LGI2: variants seen among roughly 807,000 people sequenced by gnomAD.
The protein encoded by LGI2 is leucine rich repeat LGI family member 2, also known as leucine-rich repeat LGI family member 2.
In LGI2, 30 loss-of-function variants were observed where a neutral mutation model predicts 52.0. That is an observed-to-expected ratio of 0.58 (90% CI 0.43 to 0.78). The LOEUF is 0.78. LGI2 is among the 30% of genes least tolerant of loss of function. LGI2 has a pLI of 0.00. For missense variants in LGI2, 573 were observed against 692.5 expected (o/e 0.83, Z 1.94); for synonymous variants, 270 against 271.8 (o/e 0.99, Z 0.06).
rs2324645 is a variant in LGI2, at chr4:25,030,623, A to G, written c.71T>C (p.Ile24Thr). Reference sequence around the variant, plus strand: ...CCGCCTCACCTGCGCGCTCCGCGGTATCAGGCACGCGGCGCCCAGCAGCAG... The same window carrying G: ...CCGCCTCACCTGCGCGCTCCGCGGTGTCAGGCACGCGGCGCCCAGCAGCAG... The part of the protein sequence containing the change: ...LLLLLGAACL[I>T]PRSAQVRRLA... Residue 24 changes from isoleucine to threonine, a missense_variant, in exon 1 of 8, where the codon ATA becomes ACA. Physicochemically the swap from Ile to Thr is moderately conservative, Grantham distance 89. Transcript: ENST00000382114. 1 of 1,555,134 alleles carries G rather than the reference A, an allele frequency of 6.4e-7. No individual in the cohort carries two copies. The highest frequency in any genetic ancestry group is 1.7e-4 in the Middle Eastern group (1 of 5,808).
intron 5 of LGI2, among the ~76,000 whole-genome samples, chr4:25,018,904 T>C (rs1487175555): frequency 2.0e-5 from 3 of 151,322 alleles, no homozygotes; most frequent in Non-Finnish European, 4.4e-5. Flanking sequence ...TGATAGAAGA[T>C]AAAGCAGGTG....
chr4:24,999,707 A>C lies in LGI2; in HGVS notation c.*3744T>G. The C allele has an allele frequency of 2.4e-6, 1 of 409,806 alleles. No individual in the cohort carries two copies. Among genetic ancestry groups the C allele is most frequent in the Non-Finnish European group, 4.9e-6 (1 of 204,014 alleles). 25.4% of individuals were successfully genotyped at this position (409,806 alleles called of 1,614,324 possible). On this transcript the variant is annotated 3_prime_UTR_variant, in exon 8 of 8. Transcript: ENST00000382114. The stretch of plus-strand genomic sequence containing the variant: ...GGCCAGAGAAATTTCCATCATGAGC[A>C]CTCCTGACCGCCAAACCTCTGGCAT...
intron 3 of LGI2, among the ~76,000 whole-genome samples, chr4:25,025,749 C>T (rs10012345): frequency 0.042 from 6,321 of 152,276 alleles, 259 homozygotes; most frequent in African/African-American, 0.11. Flanking sequence ...CGAATTAGTT[C>T]TTGATTCTTG....
rs1725221642 is a variant in LGI2 at position 25,000,891 on chromosome 4, A to G, written c.*2560T>C. 6.6e-6 allele frequency: 1 copy of G among 152,206 alleles called. No individual in the cohort carries two copies. Among genetic ancestry groups the G allele is most frequent in the African/African-American group, 2.4e-5 (1 of 41,444 alleles). The allele number at this position is 152,206 out of a possible 1,614,324, so 9.4% of individuals were successfully genotyped here. On this transcript the variant is annotated 3_prime_UTR_variant, in exon 8 of 8. Transcript: ENST00000382114. ...AAAACTTCAGGGATTCTTGGGATGG[A>G]GCAGTAAGATTAATGAAGCAAAGAT...
At chr4:25,029,482 C>T (rs576231722) in intron 1 of LGI2, among the ~76,000 whole-genome samples, 1 of 152,222 alleles carries the variant, frequency 6.6e-6, no homozygotes, top group South Asian at 2.1e-4. Context: ...AGCAACGTCA[C>T]CCCGGGGATT....
At chr4:24,998,606 T>C (rs573031137), downstream of LGI2, among the ~76,000 whole-genome samples, 3 of 152,158 alleles carry the variant, frequency 2.0e-5, no homozygotes, top group Non-Finnish European at 4.4e-5. Flanking sequence ...GTCAGGATTA[T>C]AATTCCACAG....
Position 25,015,956 on chromosome 4 carries a change from A to G in LGI2, c.655+2033T>C, listed in dbSNP as rs147488756. 1.8e-3 allele frequency among the ~76,000 whole-genome samples: 273 copies of G among 151,948 alleles called. 1 individual carries two copies. Among genetic ancestry groups the G allele is most frequent in the African/African-American group, 6.4e-3 (265 of 41,244 alleles). Reference sequence around the variant, plus strand: ...AAAACCATAGCACAAAGCCAGAATTATCATCTCCCTCTCACCAGAAAGCCT... The same window carrying G: ...AAAACCATAGCACAAAGCCAGAATTGTCATCTCCCTCTCACCAGAAAGCCT... On this transcript the variant is annotated intron_variant, in intron 6 of 7. Coordinates refer to ENST00000382114, the MANE Select transcript of LGI2 (RefSeq NM_018176.4).
the LGI2 span, among the ~76,000 whole-genome samples, chr4:24,993,006 T>C: frequency 6.6e-6 from 1 of 152,192 alleles, no homozygotes; most frequent in Non-Finnish European, 1.5e-5. Context: ...AAACCCAAGC[T>C]CCTCTTCCTG....
chr4:25,008,551 CTCAAAAAAAA>C (rs1725468176), intron 7 of LGI2, among the ~76,000 whole-genome samples: 1 of 65,502 alleles, frequency 1.5e-5, no homozygotes, highest in South Asian at 8.5e-4. Flanking sequence ...GAGACTCTGT[CTCAAAAAAAA>C]AAAAAAAAAA....
chr4:25,007,587 G>C (rs569968262), intron 7 of LGI2, among the ~76,000 whole-genome samples: 9,253 of 74,030 alleles, frequency 0.12, 365 homozygotes, highest in East Asian at 0.27. Flanking sequence ...CAGTGTGTGT[G>C]TGTGTGTGTG....
At position 25,014,100 on chromosome 4, in the gene LGI2, C is replaced by T. The variant is rs73804967; in HGVS notation, c.656-1601G>A. On this transcript the variant is annotated intron_variant, in intron 6 of 7. Transcript: ENST00000382114. Reference sequence around the variant, plus strand: ...GCTATAAACTCCTCTCCTACATCTCCGGTTGCATTCGACTACTCCGAGTCT... The same window carrying T: ...GCTATAAACTCCTCTCCTACATCTCTGGTTGCATTCGACTACTCCGAGTCT... 6.7e-3 allele frequency among the ~76,000 whole-genome samples: 1,019 copies of T among 152,276 alleles called. 11 individuals are homozygous for T. The highest frequency in any genetic ancestry group is 0.023 in the African/African-American group (940 of 41,558).
intron 7 of LGI2, among the ~76,000 whole-genome samples, chr4:25,007,978 G>C (rs892825890): frequency 6.6e-6 from 1 of 152,218 alleles, no homozygotes; most frequent in Admixed American, 6.5e-5. Flanking sequence ...TCTTCTTGAA[G>C]CAAGTAGCAC....
chr4:25,021,208 A>G (rs959876158), intron 4 of LGI2, among the ~76,000 whole-genome samples: 2 of 152,124 alleles, frequency 1.3e-5, no homozygotes, highest in African/African-American at 4.8e-5. Flanking sequence ...ACTCACACTA[A>G]GTGCTTAACA....
At chr4:24,994,671 T>A (rs1293093500), downstream of LGI2, among the ~76,000 whole-genome samples, 2 of 152,020 alleles carry the variant, frequency 1.3e-5, no homozygotes, top group African/African-American at 4.8e-5. Flanking sequence ...AGGAAACCCA[T>A]CTACATGCAG....
chr4:25,015,706 G>A (rs375090964), intron 6 of LGI2, among the ~76,000 whole-genome samples: 5 of 143,190 alleles, frequency 3.5e-5, no homozygotes, highest in African/African-American at 7.6e-5. Context: ...TTGTTCCCCC[G>A]ACCCCACGCC....
chr4:24,997,883 A>G (rs1413784229), downstream of LGI2, among the ~76,000 whole-genome samples: 4 of 151,272 alleles, frequency 2.6e-5, no homozygotes, highest in Non-Finnish European at 4.4e-5. Context: ...GATGCAGAAC[A>G]TTTTTTTTTA....
At chr4:24,997,883 ATTTT>A (rs10708368), downstream of LGI2, among the ~76,000 whole-genome samples, 3 of 151,272 alleles carry the variant, frequency 2.0e-5, no homozygotes, top group Non-Finnish European at 4.4e-5. Flanking sequence ...GATGCAGAAC[ATTTT>A]TTTTTAAGAG....
downstream of LGI2, among the ~76,000 whole-genome samples, chr4:24,994,325 C>T (rs529566183): frequency 4.6e-5 from 7 of 152,262 alleles, no homozygotes; most frequent in East Asian, 7.7e-4. Flanking sequence ...ACAGGGAGCC[C>T]GAGCTCCCCA....
At chr4:25,013,776 A>C (rs1439497058) in intron 6 of LGI2, among the ~76,000 whole-genome samples, 2 of 152,326 alleles carry the variant, frequency 1.3e-5, no homozygotes, top group East Asian at 3.9e-4. Context: ...GCCTACTTGA[A>C]GACTTAGGGA....
Sources: allele counts gnomAD v4.1 joint callset (sites outside exome capture counted in the v4.1 genomes callset), GRCh38; gene constraint gnomAD v4.1.1; transcripts MANE v1.5; gene names NCBI Gene and HGNC (gene_info 2026-07-23, HGNC 2026-07-21).